ISCU: variants seen among roughly 807,000 people sequenced by gnomAD.
The protein encoded by ISCU is iron-sulfur cluster assembly enzyme ISCU.
ISCU carries 13 observed loss-of-function variants against 18.4 expected under a neutral mutation model. The ratio of observed to expected loss-of-function variants is 0.71; its 90% CI spans 0.46 to 1.12. The LOEUF is 1.12. ISCU is among the 50% of genes most tolerant of loss of function. The pLI, the probability that ISCU is intolerant of heterozygous loss-of-function variation, is 0.00. For synonymous variants in ISCU, 104 were observed against 87.5 expected, an observed-to-expected ratio of 1.19 and a Z score of -1.06; for missense variants, 229 against 208.7, an observed-to-expected ratio of 1.10 and a Z score of -0.60.
intron 4 of ISCU, 70 bp downstream of exon 4, chr12:108,567,338 C>T (rs546148926): frequency 1.6e-6 from 2 of 1,255,946 alleles, no homozygotes; most frequent in South Asian, 1.2e-5. Context: ...TTGCAACAGT[C>T]CTTTTAGATC....
intron 1 of ISCU, 31 bp downstream of exon 1, chr12:108,562,767 C>G (rs1490262057): frequency 1.5e-6 from 2 of 1,309,150 alleles, no homozygotes; most frequent in Non-Finnish European, 1.0e-6. Context: ...CGCGGAATGC[C>G]GACTCAGCGG....
intron 2 of ISCU, chr12:108,565,095 C>T (rs1198930939): frequency 8.7e-6 from 5 of 574,344 alleles, no homozygotes; most frequent in Non-Finnish European, 1.5e-5. Flanking sequence ...AGTGGAGGGA[C>T]ATATTTTTCA....
chr12:108,567,671 T>C (rs2030963664), intron 4 of ISCU: 4 of 1,535,728 alleles, frequency 2.6e-6, no homozygotes, highest in Non-Finnish European at 3.5e-6. Context: ...CTGTGCTGTT[T>C]CCAGCAGAGG....
intron 3 of ISCU, among the ~76,000 whole-genome samples, chr12:108,566,322 C>G (rs1219989946): frequency 2.6e-5 from 4 of 152,270 alleles, no homozygotes; most frequent in South Asian, 2.1e-4. Context: ...TTGTCAGGAA[C>G]TGTCCTCAGG....
Position 108,568,877 on chromosome 12 carries a change from G to C in ISCU, c.465G>C (p.Leu155Phe). 1 of 1,613,570 alleles carries C rather than the reference G, an allele frequency of 6.2e-7. No individual in the cohort carries two copies. The highest frequency in any genetic ancestry group is 8.5e-7 in the Non-Finnish European group (1 of 1,179,804). ...AGGCCGCCCTGGCTGATTACAAATT[G>C]AAACAAGAACCCAAAAAAGGAGAGG... The part of the protein sequence containing the change: ...AIKAALADYK[L>F]KQEPKKGEAE... The change falls in exon 5 of 5, where the codon TTG (leucine) becomes TTC (phenylalanine). Residue 155 changes from leucine (L) to phenylalanine (F), a missense_variant. Coordinates refer to ENST00000311893, the MANE Select transcript of ISCU (RefSeq NM_213595.4).
At chr12:108,568,664 G>A in intron 4 of ISCU, 167 bp from the exon 5 acceptor site, 2 of 1,471,158 alleles carry the variant, frequency 1.4e-6, no homozygotes, top group Non-Finnish European at 1.8e-6. Flanking sequence ...ACTCAGCTCA[G>A]GAAGCAGCTG....
intron 3 of ISCU, 152 bp downstream of exon 3, chr12:108,565,583 T>C: frequency 1.5e-6 from 1 of 650,970 alleles, no homozygotes; most frequent in Non-Finnish European, 2.7e-6. Context: ...AGGTGTTGTT[T>C]GGGTTTTTTT....
In ISCU at chr12:108,565,431, G is replaced by T. The variant is rs747904634; in HGVS notation, c.339G>T (p.Thr113=). The T allele has an allele frequency of 1.3e-6, 2 of 1,594,068 alleles. No individual in the cohort carries two copies. The highest frequency in any genetic ancestry group is 4.5e-5 in the East Asian group (2 of 44,804). ...SLATEWVKGK[T]VEEALTIKNT... The stretch of plus-strand genomic sequence containing the variant: ...CCACTGAATGGGTGAAAGGAAAGAC[G>T]GTAAGGTGGCTCACAAATCTAATGG... The change falls in exon 3 of 5, where the codon ACG becomes ACT. Residue 113 remains threonine, a splice_region_variant and synonymous_variant. Transcript: ENST00000311893.
rs2030945717 is a variant in ISCU, at chr12:108,567,286, A to G, written c.418+18A>G. 5 of 1,595,884 alleles carry G rather than the reference A, an allele frequency of 3.1e-6. No homozygotes were observed. The highest frequency in any genetic ancestry group is 2.2e-5 in the East Asian group (1 of 44,792). On this transcript the variant is annotated intron_variant, in intron 4 of 4. Transcript: ENST00000311893. ...CTGCTCCAGTAAGTCTCTGCTCTCC[A>G]TACCAGTCAGCTGGGACATTTGGCA...
At chr12:108,562,980 T>C (rs749125074) in intron 1 of ISCU, 27 of 351,176 alleles carry the variant, frequency 7.7e-5, no homozygotes, top group Non-Finnish European at 1.2e-4. Flanking sequence ...CAATTTTAAA[T>C]TCGCCAACAG....
At chr12:108,568,451 T>C in intron 4 of ISCU, 22 of 1,125,490 alleles carry the variant, frequency 2.0e-5, no homozygotes, top group Non-Finnish European at 2.3e-5. Flanking sequence ...AGCTAGACTT[T>C]GATGGGAGCA....
chr12:108,562,451 CGAGAGGCGTGGTCAAGGCGGGGCCA>C (rs2030621669), upstream of ISCU: 4 of 442,382 alleles, frequency 9.0e-6, no homozygotes, highest in Non-Finnish European at 1.2e-5. Context: ...CGCCCGCCCC[CGAGAGGCGTGGTCAAGGCGGGGCCA>C]GAAGGCGGAC....
intron 3 of ISCU, among the ~76,000 whole-genome samples, chr12:108,566,789 A>G (rs61934081): frequency 2.5e-3 from 380 of 152,358 alleles, no homozygotes; most frequent in Non-Finnish European, 3.9e-3. Context: ...CTTCTAGTCA[A>G]AAGGATTTAG....
chr12:108,566,449 T>C (rs1230138020), intron 3 of ISCU, among the ~76,000 whole-genome samples: 1 of 152,266 alleles, frequency 6.6e-6, no homozygotes, highest in African/African-American at 2.4e-5. Flanking sequence ...ATCTCCCATC[T>C]GAGTTTCAGG....
intron 1 of ISCU, 138 bp from the exon 2 acceptor site, chr12:108,564,141 G>C (rs2030770487): frequency 1.2e-6 from 2 of 1,612,314 alleles, no homozygotes; most frequent in African/African-American, 1.3e-5. Flanking sequence ...CATGAGTGTA[G>C]ACCTTTCTAC....
intron 3 of ISCU, among the ~76,000 whole-genome samples, chr12:108,566,821 A>G (rs1211860730): frequency 6.6e-6 from 1 of 152,252 alleles, no homozygotes; most frequent in Non-Finnish European, 1.5e-5. Flanking sequence ...GTATGAGGAC[A>G]TCGGAGAAGC....
chr12:108,565,222 G>T, intron 2 of ISCU, 99 bp from the exon 3 acceptor site: 1 of 846,802 alleles, frequency 1.2e-6, no homozygotes, highest in Non-Finnish European at 2.1e-6. Flanking sequence ...TGGAAAGCAA[G>T]CCCAAAGCCC....
At chr12:108,564,033 G>C (rs7980630) in intron 1 of ISCU, 1 of 1,440,748 alleles carries the variant, frequency 6.9e-7, no homozygotes, top group East Asian at 2.3e-5. Context: ...ACTAAGACAT[G>C]ATTTCACTGA....
chr12:108,566,795 T>C (rs1004659787), intron 3 of ISCU, among the ~76,000 whole-genome samples: 2 of 152,224 alleles, frequency 1.3e-5, no homozygotes, highest in African/African-American at 4.8e-5. Flanking sequence ...GTCAAAAGGA[T>C]TTAGGCTAAC....
Sources: gnomAD v4.1 joint callset for allele counts (sites outside exome capture counted in the v4.1 genomes callset) on GRCh38, gnomAD v4.1.1 for gene constraint, MANE v1.5 for transcripts, NCBI Gene and HGNC (gene_info 2026-07-23, HGNC 2026-07-21) for gene names.